OVAAL: variants seen among roughly 807,000 people sequenced by gnomAD.
OVAAL encodes long intergenic non-protein coding RNA 1131.
chr1:180,559,117 G>A (rs1653154190), intron 1 of OVAAL: 1 of 155,172 alleles, frequency 6.4e-6, no homozygotes, highest in Non-Finnish European at 1.4e-5. Context: ...TCAGCAGTAT[G>A]AAAACGGACT....
At chr1:180,560,395 C>A (rs1232275042) in intron 1 of OVAAL, among the ~76,000 whole-genome samples, 1 of 152,150 alleles carries the variant, frequency 6.6e-6, no homozygotes, top group African/African-American at 2.4e-5. Flanking sequence ...TAGTTAGAAT[C>A]TACAGGAATG....
intron 1 of OVAAL, among the ~76,000 whole-genome samples, chr1:180,560,255 G>A (rs779811918): frequency 6.6e-6 from 1 of 152,048 alleles, no homozygotes; most frequent in Non-Finnish European, 1.5e-5. Flanking sequence ...GAGAATGAGG[G>A]TGAGGCACAG....
chr1:180,562,087 C>G (rs1234789818), intron 1 of OVAAL: 1 of 152,028 alleles, frequency 6.6e-6, no homozygotes, highest in Non-Finnish European at 1.5e-5. Context: ...CAGGTGTCAG[C>G]AGGAGGACCA....
chr1:180,562,710 G>A (rs192362954), intron 2 of OVAAL, among the ~76,000 whole-genome samples: 4 of 152,294 alleles, frequency 2.6e-5, no homozygotes, highest in South Asian at 2.1e-4. Context: ...ATTCAGTAGC[G>A]GATGGGGTGT....
chr1:180,560,409 G>A (rs185473319), intron 1 of OVAAL, among the ~76,000 whole-genome samples: 4 of 151,094 alleles, frequency 2.6e-5, no homozygotes, highest in African/African-American at 9.9e-5. Flanking sequence ...AGGAATGCGA[G>A]GTCATAGAAC....
chr1:180,560,705 C>T (rs922056714), intron 1 of OVAAL, among the ~76,000 whole-genome samples: 14 of 152,192 alleles, frequency 9.2e-5, no homozygotes, highest in Non-Finnish European at 1.5e-5. Flanking sequence ...AGAGAACATT[C>T]AGCCCACTAA....
At chr1:180,561,547 G>A (rs1400014639) in intron 1 of OVAAL, among the ~76,000 whole-genome samples, 1 of 152,138 alleles carries the variant, frequency 6.6e-6, no homozygotes, top group Non-Finnish European at 1.5e-5. Context: ...GAGTGGTTGG[G>A]TACTCAGCCT....
At chr1:180,563,417 G>A (rs1243556341) in intron 2 of OVAAL, among the ~76,000 whole-genome samples, 1 of 152,104 alleles carries the variant, frequency 6.6e-6, no homozygotes, top group Non-Finnish European at 1.5e-5. Context: ...AACCTCAATC[G>A]GGGCATAAGG....
At chr1:180,560,277 G>A (rs1162772424) in intron 1 of OVAAL, among the ~76,000 whole-genome samples, 1 of 152,110 alleles carries the variant, frequency 6.6e-6, no homozygotes, top group Non-Finnish European at 1.5e-5. Flanking sequence ...GATAAAGTAG[G>A]TGATATCGAG....
At chr1:180,561,667 C>G (rs1051760506) in intron 1 of OVAAL, among the ~76,000 whole-genome samples, 1 of 152,104 alleles carries the variant, frequency 6.6e-6, no homozygotes. Context: ...ACAAGTTGGT[C>G]TGGAAAATCG....
chr1:180,563,066 G>A (rs749498895), intron 2 of OVAAL, among the ~76,000 whole-genome samples: 1 of 152,106 alleles, frequency 6.6e-6, no homozygotes, highest in African/African-American at 2.4e-5. Flanking sequence ...GGAGTCTCCC[G>A]CTCCAAGAGA....
chr1:180,562,893 C>T (rs1020452547), intron 2 of OVAAL, among the ~76,000 whole-genome samples: 19 of 152,234 alleles, frequency 1.2e-4, no homozygotes, highest in African/African-American at 4.6e-4. Context: ...GTGTGTTCAT[C>T]TGGTTAGACT....
At chr1:180,561,042 A>G (rs979578274) in intron 1 of OVAAL, among the ~76,000 whole-genome samples, 1 of 152,124 alleles carries the variant, frequency 6.6e-6, no homozygotes, top group Non-Finnish European at 1.5e-5. Context: ...ACTGCATTCC[A>G]GGCTCAGTGA....
chr1:180,562,912 A>G (rs565363990), intron 2 of OVAAL, among the ~76,000 whole-genome samples: 2 of 152,358 alleles, frequency 1.3e-5, no homozygotes, highest in African/African-American at 2.4e-5. Flanking sequence ...CTAATTTCCT[A>G]GTCACAAAGA....
chr1:180,563,550 T>C (rs61811631), intron 2 of OVAAL, among the ~76,000 whole-genome samples: 6,528 of 152,190 alleles, frequency 0.043, 163 homozygotes, highest in Non-Finnish European at 0.053. Flanking sequence ...AGGACAAGTG[T>C]GGTTTGACTT....
At chr1:180,560,238 G>A (rs984026063) in intron 1 of OVAAL, among the ~76,000 whole-genome samples, 4 of 152,076 alleles carry the variant, frequency 2.6e-5, no homozygotes, top group Non-Finnish European at 5.9e-5. Flanking sequence ...GAGGTGAAAG[G>A]GATCAAGAGA....
At chr1:180,559,284 G>C (rs1359320136) in intron 1 of OVAAL, among the ~76,000 whole-genome samples, 1 of 152,200 alleles carries the variant, frequency 6.6e-6, no homozygotes, top group African/African-American at 2.4e-5. Context: ...ACCTCCTAGA[G>C]ACTTGGTGAA....
intron 2 of OVAAL, among the ~76,000 whole-genome samples, chr1:180,562,588 G>C (rs545488712): frequency 6.6e-6 from 1 of 152,136 alleles, no homozygotes; most frequent in Non-Finnish European, 1.5e-5. Context: ...GGTGGAAAAA[G>C]GGGCAAATTT....
exon 3 of OVAAL, chr1:180,565,979 T>A (rs1309258255): frequency 2.6e-5 from 4 of 152,202 alleles, no homozygotes; most frequent in Admixed American, 2.6e-4. Flanking sequence ...ACCCAGCCAA[T>A]AATCAATCCC....
Sources: gnomAD v4.1 joint callset for allele counts (sites outside exome capture counted in the v4.1 genomes callset) on GRCh38, gnomAD v4.1.1 for gene constraint, MANE v1.5 for transcripts, NCBI Gene and HGNC (gene_info 2026-07-23, HGNC 2026-07-21) for gene names.